Variants in CDH4 observed in about 807,000 individuals in gnomAD.
The protein encoded by CDH4 is cadherin-4.
Under a neutral mutation model 86.0 loss-of-function variants are expected in CDH4, and 33 were observed. The observed-to-expected ratio is 0.38, with a 90% CI of 0.29 to 0.51. The LOEUF (loss-of-function observed/expected upper bound fraction) is 0.51, where lower values mean the gene tolerates loss of function less well. Ranked by LOEUF, CDH4 falls within the 20% of genes least tolerant of loss-of-function variation. CDH4 has a pLI of 0.86. For synonymous variants in CDH4, 555 were observed against 549.4 expected, an observed-to-expected ratio of 1.01 and a Z score of -0.14; for missense variants, 1,114 against 1,307.4, an observed-to-expected ratio of 0.85 and a Z score of 2.28.
intron 2 of CDH4, among the ~76,000 whole-genome samples, chr20:61,704,950 G>C (rs774882284): frequency 4.6e-5 from 7 of 152,176 alleles, no homozygotes; most frequent in Non-Finnish European, 8.8e-5. Flanking sequence ...CTGTCATTTT[G>C]TGAATTCTCT....
chr20:61,859,309 G>A (rs961862935), intron 6 of CDH4, among the ~76,000 whole-genome samples: 12 of 152,114 alleles, frequency 7.9e-5, no homozygotes, highest in African/African-American at 1.4e-4. Context: ...GTCCTTTGTC[G>A]GATATGTGGT....
At chr20:61,705,725 C>T (rs973603271) in intron 2 of CDH4, among the ~76,000 whole-genome samples, 1 of 152,252 alleles carries the variant, frequency 6.6e-6, no homozygotes, top group African/African-American at 2.4e-5. Flanking sequence ...TGGCAGCTGG[C>T]TTCCTCTCAC....
chr20:61,504,699 T>G (rs1225236700), intron 2 of CDH4, among the ~76,000 whole-genome samples: 2 of 152,238 alleles, frequency 1.3e-5, no homozygotes, highest in East Asian at 3.8e-4. Flanking sequence ...GACGTTGCAG[T>G]GACAGCGTCT....
chr20:61,269,317 A>T lies in CDH4; in HGVS notation c.169+14380A>T, dbSNP rs1310182083. On this transcript the variant is annotated intron_variant, in intron 2 of 15. Coordinates refer to ENST00000614565, the MANE Select transcript of CDH4 (RefSeq NM_001794.5). This position sits in a 1 kb window ranked among gnomAD's most constrained non-coding sequence, Gnocchi z 5.3. The stretch of plus-strand genomic sequence containing the variant: ...GGCAGCCTTCAGAGCCCAACCCTCC[A>T]CCCCATCCTCTGTATCACCTTGGAA... Among the ~76,000 whole-genome samples, 2 of 151,930 alleles carry T rather than the reference A, an allele frequency of 1.3e-5. No homozygotes were observed. Among genetic ancestry groups the T allele is most frequent in the African/African-American group, 4.8e-5 (2 of 41,362 alleles).
intron 4 of CDH4, among the ~76,000 whole-genome samples, chr20:61,782,483 T>C (rs1978600015): frequency 6.6e-6 from 1 of 152,174 alleles, no homozygotes; most frequent in African/African-American, 2.4e-5. Flanking sequence ...CAGGAAGAGA[T>C]ACATTTATGG....
Position 61,743,675 on chromosome 20 carries a change from C to G in CDH4, c.282C>G (p.Pro94=). ...TCGCCACCCGGGAGCTGCAGGTCCC[C>G]TCCGAGCAGGTGGCGTTCACGGTGA... ...TVFATRELQV[P]SEQVAFTVTA... is the part of the protein sequence containing the mutation. Residue 94 remains proline (P), a synonymous_variant, in exon 3 of 16, where the codon CCC becomes CCG. Transcript: ENST00000614565. The G allele has an allele frequency of 6.2e-7, 1 of 1,605,196 alleles. No homozygotes were observed. Among genetic ancestry groups the G allele is most frequent in the Middle Eastern group, 1.7e-4 (1 of 6,056 alleles).
At chr20:61,889,319 TG>T (rs1984682395) in intron 7 of CDH4, among the ~76,000 whole-genome samples, 3 of 151,004 alleles carry the variant, frequency 2.0e-5, no homozygotes, top group East Asian at 4.0e-4. Context: ...GATGGATGGA[TG>T]GATGGATGGA....
At chr20:61,697,618 A>G (rs1219393995) in intron 2 of CDH4, among the ~76,000 whole-genome samples, 1 of 152,178 alleles carries the variant, frequency 6.6e-6, no homozygotes, top group Non-Finnish European at 1.5e-5. Flanking sequence ...GAACAAAAAA[A>G]AGGAAATCCC....
At chr20:61,655,426 AGT>A (rs2087176811) in intron 2 of CDH4, among the ~76,000 whole-genome samples, 1 of 152,200 alleles carries the variant, frequency 6.6e-6, no homozygotes, top group Non-Finnish European at 1.5e-5. Flanking sequence ...CCTTGCGGAG[AGT>A]GACAAGGCAA....
At chr20:61,794,356 G>A (rs1886258366) in intron 4 of CDH4, among the ~76,000 whole-genome samples, 1 of 152,066 alleles carries the variant, frequency 6.6e-6, no homozygotes, top group Non-Finnish European at 1.5e-5. Context: ...GGGGCAGCTG[G>A]ACATTCCACT....
At chr20:61,546,134 TACG>T (rs1447925571) in intron 2 of CDH4, among the ~76,000 whole-genome samples, 15 of 101,940 alleles carry the variant, frequency 1.5e-4, no homozygotes, top group South Asian at 6.8e-4. Flanking sequence ...GTATGTGGGA[TACG>T]GTATTTGTTC....
intron 6 of CDH4, among the ~76,000 whole-genome samples, chr20:61,853,709 G>T (rs1982848578): frequency 6.6e-6 from 1 of 152,194 alleles, no homozygotes; most frequent in Non-Finnish European, 1.5e-5. Flanking sequence ...CACAGGGCTG[G>T]CACAGCCCCC....
At chr20:61,323,340 C>T (rs537208569) in intron 2 of CDH4, among the ~76,000 whole-genome samples, 1 of 152,172 alleles carries the variant, frequency 6.6e-6, no homozygotes, top group South Asian at 2.1e-4. Context: ...GTTCATCAGC[C>T]TGCCAGGAGG....
intron 4 of CDH4, among the ~76,000 whole-genome samples, chr20:61,801,885 C>T (rs982268934): frequency 6.6e-6 from 1 of 152,256 alleles, no homozygotes; most frequent in Non-Finnish European, 1.5e-5. Flanking sequence ...CAAGATCCTT[C>T]ACTCCATCAC....
At chr20:61,891,969 C>T (rs1984843074) in intron 7 of CDH4, among the ~76,000 whole-genome samples, 1 of 152,162 alleles carries the variant, frequency 6.6e-6, no homozygotes, top group Admixed American at 6.5e-5. Flanking sequence ...CAGCAAACGT[C>T]TTCTATAAAG....
At chr20:61,476,391 G>C (rs2085536052) in intron 2 of CDH4, among the ~76,000 whole-genome samples, 1 of 152,204 alleles carries the variant, frequency 6.6e-6, no homozygotes, top group African/African-American at 2.4e-5. Flanking sequence ...GTGTGCACGT[G>C]TGTGTGTTCT....
chr20:61,403,596 C>T (rs575857968), intron 2 of CDH4, among the ~76,000 whole-genome samples: 4 of 152,184 alleles, frequency 2.6e-5, no homozygotes, highest in South Asian at 4.2e-4. Context: ...GAGACTAGGA[C>T]GGGACTTTTT....
chr20:61,681,661 G>A lies in CDH4; in HGVS notation c.170-61902G>A, dbSNP rs2087514331. On this transcript the variant is annotated intron_variant, in intron 2 of 15. Coordinates refer to ENST00000614565, the MANE Select transcript of CDH4 (RefSeq NM_001794.5). This position sits in a 1 kb window ranked among gnomAD's most constrained non-coding sequence, Gnocchi z 4.5. ...GAATCCCTTCCACAGGCACAGAGCT[G>A]AGGGTGCTGCAGAGCCCCTAAAGAG... Among the ~76,000 whole-genome samples, 2 of 152,214 alleles carry A rather than the reference G, an allele frequency of 1.3e-5. No homozygotes were observed. Among genetic ancestry groups the A allele is most frequent in the Admixed American group, 6.5e-5 (1 of 15,288 alleles).
At chr20:61,665,790 T>C (rs1036224915) in intron 2 of CDH4, among the ~76,000 whole-genome samples, 1 of 152,208 alleles carries the variant, frequency 6.6e-6, no homozygotes, top group Non-Finnish European at 1.5e-5. Flanking sequence ...GGCAGGCTGG[T>C]GGCTGCTGCA....
Sources: gnomAD v4.1 joint callset for allele counts (sites outside exome capture counted in the v4.1 genomes callset) on GRCh38, gnomAD v4.1.1 for gene constraint, Gnocchi (gnomAD v3.1) non-coding constraint, MANE v1.5 for transcripts, NCBI Gene and HGNC (gene_info 2026-07-23, HGNC 2026-07-21) for gene names.